TMC2: variants seen among roughly 807,000 people sequenced by gnomAD.
TMC2 encodes the protein transmembrane channel-like protein 2.
In TMC2, 102 loss-of-function variants were observed where a neutral mutation model predicts 105.9. That is an observed-to-expected ratio of 0.96 (90% CI 0.82 to 1.14). TMC2 has a LOEUF of 1.14. Among genes scored for constraint, TMC2 ranks in the 50% most tolerant of loss-of-function variants. TMC2 has a pLI of 0.00. For missense variants in TMC2, 1,093 were observed against 1,134.3 expected, an observed-to-expected ratio of 0.96 and a Z score of 0.52; for synonymous variants, 402 against 422.8, an observed-to-expected ratio of 0.95 and a Z score of 0.60.
At chr20:2,628,167 CAAA>C (rs34201766) in intron 17 of TMC2, among the ~76,000 whole-genome samples, 5 of 114,662 alleles carry the variant, frequency 4.4e-5, no homozygotes, top group South Asian at 2.8e-4. Context: ...GACTCTGTCT[CAAA>C]AAAAAAAAAA....
chr20:2,630,209 A>T (rs986404766), intron 17 of TMC2, among the ~76,000 whole-genome samples: 65 of 152,338 alleles, frequency 4.3e-4, no homozygotes, highest in African/African-American at 1.5e-3. Context: ...AGTCGATTGC[A>T]TTGGATAGAA....
chr20:2,576,524 C>T (rs886284389), intron 5 of TMC2, among the ~76,000 whole-genome samples: 2 of 152,206 alleles, frequency 1.3e-5, no homozygotes, highest in Non-Finnish European at 2.9e-5. Flanking sequence ...TGCTGGTCCT[C>T]AGCCTTGCAA....
chr20:2,545,367 C>T (rs766845586), intron 2 of TMC2, among the ~76,000 whole-genome samples: 2 of 152,126 alleles, frequency 1.3e-5, no homozygotes, highest in Non-Finnish European at 1.5e-5. Flanking sequence ...TTCAATGAAA[C>T]GATCTACTGA....
At chr20:2,596,633 C>CA (rs57798234) in intron 9 of TMC2, among the ~76,000 whole-genome samples, 26,535 of 100,264 alleles carry the variant, frequency 0.26, 3,361 homozygotes, top group Middle Eastern at 0.4. Flanking sequence ...ACTCTGTTAC[C>CA]AAAAAAAAAA....
Position 2,558,636 on chromosome 20 carries a change from G to T in TMC2, c.263G>T (p.Arg88Leu), listed in dbSNP as rs757779139. ...RHREELGEQE[R>L]GEAERTCEGR... ...AGAGAAGAGCTGGGGGAGCAGGAGC[G>T]GGGCGAGGCAGAGAGGACCTGCGAG... Residue 88 changes from arginine (R) to leucine (L), a missense_variant, in exon 3 of 20, where the codon CGG becomes CTG. Physicochemically the swap from Arg to Leu is moderately radical, Grantham distance 102. Coordinates refer to ENST00000358864, the MANE Select transcript of TMC2 (RefSeq NM_080751.3). This position sits in a 1 kb window ranked among gnomAD's most constrained non-coding sequence, Gnocchi z 4.6. The T allele has an allele frequency of 1.3e-6, 2 of 1,569,788 alleles. No individual in the cohort carries two copies. The highest frequency in any genetic ancestry group is 2.3e-5 in the East Asian group (1 of 42,816).
intron 11 of TMC2, 71 bp from the exon 12 acceptor site, chr20:2,610,348 T>C (rs2086426012): frequency 7.2e-7 from 1 of 1,393,852 alleles, no homozygotes; most frequent in Non-Finnish European, 9.9e-7. Flanking sequence ...TGGATGGCCA[T>C]GGGAGTGCAG....
In TMC2 at chr20:2,569,820, G is replaced by C. The variant is rs75382260; in HGVS notation, c.555-2359G>C. 1.3e-3 allele frequency among the ~76,000 whole-genome samples: 196 copies of C among 152,260 alleles called. 1 individual carries two copies. The highest frequency in any genetic ancestry group is 4.3e-3 in the African/African-American group (179 of 41,558). ...GCTAAGGTTCTCTTCTGAGCTCACT[G>C]ATTGTTGGCTGAATTCACTTCCTTC... is the stretch of plus-strand genomic sequence containing the variant. On this transcript the variant is annotated intron_variant, in intron 4 of 19. Coordinates refer to ENST00000358864, the MANE Select transcript of TMC2 (RefSeq NM_080751.3).
intron 2 of TMC2, among the ~76,000 whole-genome samples, chr20:2,548,715 G>A (rs950188226): frequency 1.6e-4 from 24 of 151,744 alleles, no homozygotes; most frequent in African/African-American, 4.8e-4. Context: ...ACCAGTTCAA[G>A]GCTTTATAAT....
At chr20:2,594,674 G>A (rs1216175922) in intron 8 of TMC2, 151 bp from the exon 9 acceptor site, 2 of 735,958 alleles carry the variant, frequency 2.7e-6, no homozygotes, top group Non-Finnish European at 4.4e-6. Context: ...TGGAGGAGGT[G>A]AAGGGAAGAA....
chr20:2,558,663 G>A lies in TMC2; in HGVS notation c.290G>A (p.Gly97Asp), dbSNP rs749247530. Residue 97 changes from glycine to aspartate, a missense_variant, in exon 3 of 20, where the codon GGC becomes GAC. Gly to Asp is a moderately conservative substitution (Grantham distance 94, BLOSUM62 -1). Transcript: ENST00000358864. The surrounding 1 kb of genome is among the most constrained non-coding windows in gnomAD (Gnocchi z 4.6). The part of the protein sequence containing the change: ...ERGEAERTCE[G>D]RRKRDERASF... ...GGCGAGGCAGAGAGGACCTGCGAGGGCAGGAGAAAGCGCGACGAGAGGGCC... is the reference window on the plus strand; with the variant it reads ...GGCGAGGCAGAGAGGACCTGCGAGGACAGGAGAAAGCGCGACGAGAGGGCC... 6.9e-6 allele frequency: 11 copies of A among 1,590,220 alleles called. No individual in the cohort carries two copies. In the South Asian group the frequency reaches 1.1e-4, roughly 17 times the overall value.
At chr20:2,632,900 G>T (rs1775444545) in intron 17 of TMC2, among the ~76,000 whole-genome samples, 1 of 152,194 alleles carries the variant, frequency 6.6e-6, no homozygotes, top group Admixed American at 6.5e-5. Context: ...TGTCTTACTA[G>T]TTTTTGCTGA....
Position 2,641,455 on chromosome 20 carries a change from T to C in TMC2, c.*104T>C, listed in dbSNP as rs372260147. On this transcript the variant is annotated 3_prime_UTR_variant, in exon 20 of 20. Transcript: ENST00000358864. Reference sequence around the variant, plus strand: ...TCTCCCCTCTTTCCTCTCACATACATGCTCTGTCTCCTCTCTTGGAATGCA... The same window carrying C: ...TCTCCCCTCTTTCCTCTCACATACACGCTCTGTCTCCTCTCTTGGAATGCA... 6.7e-5 allele frequency: 46 copies of C among 683,088 alleles called. No homozygotes were observed. Among genetic ancestry groups the C allele is most frequent in the African/African-American group, 6.6e-4 (37 of 56,224 alleles). The allele number at this position is 683,088 out of a possible 1,614,324, so 42.3% of individuals were successfully genotyped here.
intron 16 of TMC2, 84 bp from the exon 17 acceptor site, chr20:2,624,187 A>C: frequency 6.9e-7 from 1 of 1,454,512 alleles, no homozygotes; most frequent in Non-Finnish European, 9.3e-7. Context: ...GCAGCCCTGG[A>C]CCTGGGTAGG....
At position 2,616,982 on chromosome 20, in the gene TMC2, C is replaced by T; in HGVS notation, c.1941-90C>T. The T allele has an allele frequency of 1.3e-6, 2 of 1,519,410 alleles. No homozygotes were observed. Among genetic ancestry groups the T allele is most frequent in the Admixed American group, 1.7e-5 (1 of 58,406 alleles). The allele number at this position is 1,519,410 out of a possible 1,614,324, so 94.1% of individuals were successfully genotyped here. A position where few individuals can be genotyped will look rare whatever the true frequency, so the allele number is the denominator to read the frequency against. ...CAGGAAAGCAGCTCGGCCTCATGCC[C>T]CTAACCCATCCGTCCCATTTCCTTC... On this transcript the variant is annotated intron_variant, in intron 15 of 19. Coordinates refer to ENST00000358864, the MANE Select transcript of TMC2 (RefSeq NM_080751.3). The surrounding 1 kb of genome is among the most constrained non-coding windows in gnomAD (Gnocchi z 4.8).
chr20:2,615,684 T>C (rs1177414025), intron 14 of TMC2, among the ~76,000 whole-genome samples: 2 of 152,206 alleles, frequency 1.3e-5, no homozygotes, highest in African/African-American at 4.8e-5. Context: ...GGAAGGATGA[T>C]TTGGTTTTTG....
chr20:2,617,158 T>C lies in TMC2; in HGVS notation c.2027T>C (p.Met676Thr). 1 of 1,614,220 alleles carries C rather than the reference T, an allele frequency of 6.2e-7. No individual in the cohort carries two copies. The highest frequency in any genetic ancestry group is 8.5e-7 in the Non-Finnish European group (1 of 1,180,028). The change falls in exon 16 of 20, where the codon ATG becomes ACG. Residue 676 changes from methionine to threonine, a missense_variant. Met to Thr is a moderately conservative substitution (Grantham distance 81). Coordinates refer to ENST00000358864, the MANE Select transcript of TMC2 (RefSeq NM_080751.3). ...TSMYFQCWAV[M>T]SSNVPHERVF... ...ATGTACTTCCAGTGCTGGGCGGTGA[T>C]GAGCAGCAACGTACCCCATGAACGC...
At position 2,562,000 on chromosome 20, in the gene TMC2, A is replaced by AC; in HGVS notation, c.545dup (p.Glu183ArgfsTer13). ...GCCCTGGCCCATGGCGAAGAAGCTGACAGAGCTCAGGTGAGCAGGCTGCGG... is the reference window on the plus strand; with the variant it reads ...GCCCTGGCCCATGGCGAAGAAGCTGACCAGAGCTCAGGTGAGCAGGCTGCGG... On this transcript the variant is annotated frameshift_variant, in exon 4 of 20. Coordinates refer to ENST00000358864, the MANE Select transcript of TMC2 (RefSeq NM_080751.3). LOFTEE classifies it high-confidence loss of function. 6.2e-7 allele frequency: 1 copy of AC among 1,613,992 alleles called. No homozygotes were observed. Among genetic ancestry groups the AC allele is most frequent in the Non-Finnish European group, 8.5e-7 (1 of 1,179,894 alleles).
In TMC2 at chr20:2,616,973, C is replaced by A; in HGVS notation, c.1941-99C>A. On this transcript the variant is annotated intron_variant, in intron 15 of 19. Coordinates refer to ENST00000358864, the MANE Select transcript of TMC2 (RefSeq NM_080751.3). This position sits in a 1 kb window ranked among gnomAD's most constrained non-coding sequence, Gnocchi z 4.8. ...GGGACTTGCCAGGAAAGCAGCTCGG[C>A]CTCATGCCCCTAACCCATCCGTCCC... The A allele has an allele frequency of 7.0e-7, 1 of 1,434,142 alleles. No homozygotes were observed. Among genetic ancestry groups the A allele is most frequent in the Admixed American group, 1.8e-5 (1 of 55,478 alleles). 88.8% of individuals were successfully genotyped at this position (1,434,142 alleles called of 1,614,324 possible). A position where few individuals can be genotyped will look rare whatever the true frequency, so the allele number is the denominator to read the frequency against.
chr20:2,594,801 G>A, intron 8 of TMC2, 24 bp from the exon 9 acceptor site: 5 of 1,612,098 alleles, frequency 3.1e-6, no homozygotes, highest in Non-Finnish European at 4.2e-6. Flanking sequence ...CCAACCCAGA[G>A]CATTTGGCTT....
Sources: allele counts gnomAD v4.1 joint callset (sites outside exome capture counted in the v4.1 genomes callset), GRCh38; gene constraint gnomAD v4.1.1; non-coding constraint Gnocchi (gnomAD v3.1); transcripts MANE v1.5; gene names NCBI Gene and HGNC (gene_info 2026-07-23, HGNC 2026-07-21).